ACER3: variants seen among roughly 807,000 people sequenced by gnomAD.
The protein encoded by ACER3 is alkaline ceramidase 3.
Under a neutral mutation model 48.9 loss-of-function variants are expected in ACER3, and 16 were observed. The observed-to-expected ratio is 0.33, with a 90% CI of 0.22 to 0.50. ACER3 has a LOEUF of 0.50. ACER3 is among the 20% of genes least tolerant of loss of function. The pLI is 0.98. For missense variants in ACER3, 227 were observed against 326.0 expected (o/e 0.70, Z 2.34); for synonymous variants, 109 against 107.8 (o/e 1.01, Z -0.07).
chr11:76,876,260 C>G (rs1377426006), intron 1 of ACER3, among the ~76,000 whole-genome samples: 1 of 140,148 alleles, frequency 7.1e-6, no homozygotes, highest in Non-Finnish European at 1.6e-5. Flanking sequence ...TCCAGCACAA[C>G]CACTGTTCTG....
chr11:76,998,698 G>A (rs1382280104), intron 6 of ACER3, 65 bp from the exon 7 acceptor site: 3 of 1,179,478 alleles, frequency 2.5e-6, no homozygotes, highest in African/African-American at 3.2e-5. Flanking sequence ...ATTTTGGTAG[G>A]CAAAATAGAC....
intron 3 of ACER3, among the ~76,000 whole-genome samples, chr11:76,969,760 A>G (rs1404512890): frequency 7.5e-6 from 1 of 133,972 alleles, no homozygotes. Context: ...ACACGTGGAC[A>G]CAGGAAGGGG....
intron 7 of ACER3, among the ~76,000 whole-genome samples, chr11:77,002,691 T>G (rs1476165614): frequency 2.6e-5 from 4 of 152,216 alleles, no homozygotes; most frequent in Non-Finnish European, 5.9e-5. Context: ...CTTTAAATGT[T>G]TGGTAGAATT....
intron 1 of ACER3, among the ~76,000 whole-genome samples, chr11:76,913,337 T>G (rs1231481872): frequency 2.6e-5 from 4 of 152,160 alleles, no homozygotes; most frequent in African/African-American, 9.7e-5. Flanking sequence ...TGACTTCCTC[T>G]TTTCCTAATT....
chr11:76,970,733 A>G (rs370876305), intron 3 of ACER3, among the ~76,000 whole-genome samples: 2 of 151,582 alleles, frequency 1.3e-5, no homozygotes, highest in East Asian at 3.9e-4. Context: ...TTTTTACCCT[A>G]TCATACAACA....
intron 4 of ACER3, among the ~76,000 whole-genome samples, chr11:76,976,572 C>A (rs896905357): frequency 1.3e-5 from 2 of 152,186 alleles, no homozygotes; most frequent in African/African-American, 4.8e-5. Context: ...ATCTAAATAG[C>A]TTAAATTCCA....
At chr11:76,908,497 A>G (rs1946290819) in intron 1 of ACER3, among the ~76,000 whole-genome samples, 1 of 152,142 alleles carries the variant, frequency 6.6e-6, no homozygotes. Context: ...CCCATTCACA[A>G]TTTCTACAAA....
chr11:76,988,173 A>G (rs1274645683), intron 5 of ACER3, among the ~76,000 whole-genome samples: 1 of 152,186 alleles, frequency 6.6e-6, no homozygotes, highest in African/African-American at 2.4e-5. Flanking sequence ...TTTCAGTTGG[A>G]AGACCAGGTA....
At chr11:76,971,282 C>A (rs188830881) in intron 3 of ACER3, among the ~76,000 whole-genome samples, 1 of 152,248 alleles carries the variant, frequency 6.6e-6, no homozygotes, top group East Asian at 1.9e-4. Flanking sequence ...TGGTTCACGC[C>A]TGTAATCGCA....
chr11:77,019,180 G>A lies in ACER3; in HGVS notation c.705-551G>A, dbSNP rs10899343. 0.71 allele frequency among the ~76,000 whole-genome samples: 108,418 copies of A among 152,124 alleles called. 39,020 individuals carry two copies. The highest frequency in any genetic ancestry group is 0.77 in the Non-Finnish European group (52,161 of 68,002). On this transcript the variant is annotated intron_variant, in intron 9 of 10. Coordinates refer to ENST00000532485, the MANE Select transcript of ACER3 (RefSeq NM_018367.7). ...GCCCTTAAGAATTATGCTAAATGTG[G>A]CCGGGCGCGGTGGCTCACGCCTGTA... is the stretch of plus-strand genomic sequence containing the variant.
At chr11:76,963,607 G>A (rs961369481) in intron 3 of ACER3, among the ~76,000 whole-genome samples, 1 of 151,330 alleles carries the variant, frequency 6.6e-6, no homozygotes. Context: ...GATCCAATCG[G>A]TCTTAGCCAG....
At chr11:76,938,529 G>T (rs1947254745) in intron 2 of ACER3, among the ~76,000 whole-genome samples, 1 of 152,112 alleles carries the variant, frequency 6.6e-6, no homozygotes, top group African/African-American at 2.4e-5. Flanking sequence ...ATGTTGCCCA[G>T]GCTGGTCTTG....
At chr11:76,985,067 C>G (rs1352245805) in intron 4 of ACER3, among the ~76,000 whole-genome samples, 1 of 152,126 alleles carries the variant, frequency 6.6e-6, no homozygotes, top group Admixed American at 6.5e-5. Flanking sequence ...CATTCATCTA[C>G]TTCTTCATTC....
intron 5 of ACER3, 31 bp downstream of exon 5, chr11:76,985,755 G>T: frequency 7.7e-7 from 1 of 1,299,508 alleles, no homozygotes; most frequent in Non-Finnish European, 1.1e-6. Flanking sequence ...AACAGATTAA[G>T]CATGTAAATT....
chr11:76,928,939 T>C (rs1318333875), intron 2 of ACER3, among the ~76,000 whole-genome samples: 2 of 152,238 alleles, frequency 1.3e-5, no homozygotes, highest in African/African-American at 4.8e-5. Context: ...GACTTGGCAA[T>C]GCGGGCTCTT....
chr11:76,952,097 A>C (rs1947683502), intron 2 of ACER3, among the ~76,000 whole-genome samples: 1 of 151,258 alleles, frequency 6.6e-6, no homozygotes, highest in Non-Finnish European at 1.5e-5. Flanking sequence ...ATGATGTATC[A>C]ATTTACTCAT....
chr11:76,935,526 A>G (rs573894060), intron 2 of ACER3, among the ~76,000 whole-genome samples: 1 of 152,374 alleles, frequency 6.6e-6, no homozygotes, highest in South Asian at 2.1e-4. Context: ...ACCGAAAATT[A>G]GACTGGCATC....
Position 77,022,961 on chromosome 11 carries a change from C to G in ACER3, c.*2634C>G, listed in dbSNP as rs4944134. The G allele has an allele frequency of 5.1e-6, 2 of 393,616 alleles. No individual in the cohort carries two copies. Among genetic ancestry groups the G allele is most frequent in the Admixed American group, 4.4e-5 (1 of 22,496 alleles). The allele number at this position is 393,616 out of a possible 1,614,324, so 24.4% of individuals were successfully genotyped here. On this transcript the variant is annotated 3_prime_UTR_variant, in exon 11 of 11. Coordinates refer to ENST00000532485, the MANE Select transcript of ACER3 (RefSeq NM_018367.7). ...TGCACATCTGAATATCCTTCTTGTG[C>G]CTCCATTTTCACTCTTGAAAACTGA... is the stretch of plus-strand genomic sequence containing the variant.
rs544450660 is a variant in ACER3 at position 76,909,490 on chromosome 11, A to T, written c.104-17067A>T. Among the ~76,000 whole-genome samples, 20 of 152,356 alleles carry T rather than the reference A, an allele frequency of 1.3e-4. 1 individual carries two copies. The South Asian group carries it at 3.9e-3, about 30-fold the overall frequency. On this transcript the variant is annotated intron_variant, in intron 1 of 10. Transcript: ENST00000532485. ...GAGCAGACACTTTTCAAAAGAAGAC[A>T]TTTATATGGCCAACAAACATATGAA...
Sources: allele counts gnomAD v4.1 joint callset (sites outside exome capture counted in the v4.1 genomes callset), GRCh38; gene constraint gnomAD v4.1.1; transcripts MANE v1.5; gene names NCBI Gene and HGNC (gene_info 2026-07-23, HGNC 2026-07-21).